DCC: variants seen among roughly 807,000 people sequenced by gnomAD.
The protein encoded by DCC is netrin receptor DCC.
Under a neutral mutation model 172.5 loss-of-function variants are expected in DCC, and 58 were observed. The observed-to-expected ratio is 0.34, with a 90% CI of 0.27 to 0.42. The LOEUF is 0.42. DCC is among the 10% of genes least tolerant of loss of function. DCC has a pLI of 1.00. For missense variants in DCC, 1,740 were observed against 1,791.0 expected (o/e 0.97, Z 0.51); for synonymous variants, 709 against 644.5 (o/e 1.10, Z -1.52).
intron 2 of DCC, among the ~76,000 whole-genome samples, chr18:52,789,452 G>A (rs1279377676): frequency 6.6e-6 from 1 of 152,034 alleles, no homozygotes; most frequent in Non-Finnish European, 1.5e-5. Context: ...CAAACATAAA[G>A]GCCTTTTAAA....
chr18:52,341,112 G>A (rs1983613438), intron 1 of DCC, among the ~76,000 whole-genome samples: 2 of 152,196 alleles, frequency 1.3e-5, no homozygotes, highest in African/African-American at 4.8e-5. Flanking sequence ...AAAATCTGAT[G>A]CTTCACGCAT....
chr18:52,700,136 C>T (rs2036083949), intron 1 of DCC, among the ~76,000 whole-genome samples: 1 of 152,034 alleles, frequency 6.6e-6, no homozygotes, highest in African/African-American at 2.4e-5. Flanking sequence ...CGCTCTCTCG[C>T]TCTCTTGCCC....
At chr18:53,213,647 CAAAAAAAAAAAA>C (rs34284373) in intron 11 of DCC, among the ~76,000 whole-genome samples, 17 of 35,378 alleles carry the variant, frequency 4.8e-4, no homozygotes, top group African/African-American at 1.0e-3. Context: ...GACTCCGTCT[CAAAAAAAAAAAA>C]AAAAAAAAAA....
At chr18:52,831,732 G>A (rs984704) in intron 2 of DCC, among the ~76,000 whole-genome samples, 36,391 of 152,004 alleles carry the variant, frequency 0.24, 5,376 homozygotes, top group African/African-American at 0.42. Context: ...GACAAGACAA[G>A]TTTCAACATT....
chr18:52,860,811 A>G (rs913251409), intron 2 of DCC, among the ~76,000 whole-genome samples: 1 of 152,060 alleles, frequency 6.6e-6, no homozygotes, highest in Admixed American at 6.5e-5. Flanking sequence ...CATCCTGGCT[A>G]ACACGGTGGA....
chr18:52,690,570 A>G (rs1357263245), intron 1 of DCC, among the ~76,000 whole-genome samples: 1 of 152,108 alleles, frequency 6.6e-6, no homozygotes, highest in Non-Finnish European at 1.5e-5. Flanking sequence ...TTTTAACAGT[A>G]TTTCCATATA....
At chr18:52,998,082 C>CAATTAA (rs1260484278) in intron 5 of DCC, among the ~76,000 whole-genome samples, 1 of 149,418 alleles carries the variant, frequency 6.7e-6, no homozygotes, top group East Asian at 2.1e-4. Context: ...CTGCACATGG[C>CAATTAA]AATTAAAATT....
chr18:53,305,680 G>A lies in DCC; in HGVS notation c.2014G>A (p.Glu672Lys). Residue 672 changes from glutamate (E) to lysine (K), a missense_variant, in exon 13 of 29, where the codon GAA becomes AAA. Physicochemically the swap from Glu to Lys is moderately conservative, Grantham distance 56 (BLOSUM62 1). Around this residue, in one of 2 missense-constraint regions of DCC, gnomAD observed 1,732 missense variants for 1,767.4 expected, o/e 0.98. Transcript: ENST00000442544. ...AAAGACGACCCGCAGGGGTGAGATG[G>A]AAACACTGGAGCCAAACAACCTCTG... Reference protein sequence around the residue: ...HRKTTRRGEMETLEPNNLWYL... With the variant: ...HRKTTRRGEMKTLEPNNLWYL... The A allele has an allele frequency of 6.2e-7, 1 of 1,614,046 alleles. No homozygotes were observed. The highest frequency in any genetic ancestry group is 1.3e-5 in the African/African-American group (1 of 75,050).
chr18:53,307,041 CATT>C (rs1256937913), intron 13 of DCC, among the ~76,000 whole-genome samples: 3 of 152,186 alleles, frequency 2.0e-5, no homozygotes, highest in Non-Finnish European at 2.9e-5. Flanking sequence ...GACTCACACA[CATT>C]ATAAGCTTCT....
intron 1 of DCC, among the ~76,000 whole-genome samples, chr18:52,449,758 A>T (rs1055969379): frequency 6.6e-6 from 1 of 152,096 alleles, no homozygotes; most frequent in African/African-American, 2.4e-5. Flanking sequence ...GTCTTTTCTC[A>T]TGCTGTTCTC....
At chr18:52,483,744 G>A (rs558706592) in intron 1 of DCC, among the ~76,000 whole-genome samples, 17 of 151,904 alleles carry the variant, frequency 1.1e-4, no homozygotes, top group African/African-American at 3.4e-4. Flanking sequence ...TTCTCAATCT[G>A]GAAAACCATG....
intron 5 of DCC, among the ~76,000 whole-genome samples, chr18:53,027,613 A>G (rs2041973173): frequency 6.6e-6 from 1 of 152,132 alleles, no homozygotes; most frequent in Non-Finnish European, 1.5e-5. Flanking sequence ...CGGTATGTCC[A>G]TACTTGGACA....
chr18:53,102,180 G>A (rs1446115690), intron 7 of DCC, among the ~76,000 whole-genome samples: 1 of 152,066 alleles, frequency 6.6e-6, no homozygotes, highest in Non-Finnish European at 1.5e-5. Context: ...ATGCCCATAT[G>A]TGACATGCAG....
rs149339994 is a variant in DCC at position 53,141,499 on chromosome 18, C to T, written c.1262-15857C>T. Among the ~76,000 whole-genome samples, 562 of 152,190 alleles carry T rather than the reference C, an allele frequency of 3.7e-3. 2 individuals carry two copies. The highest frequency in any genetic ancestry group is 0.013 in the African/African-American group (542 of 41,514). On this transcript the variant is annotated intron_variant, in intron 7 of 28. Transcript: ENST00000442544. ...CAGATTAGCCAGAATCCTAAATTGC[C>T]GTAAAGGACACACTAAATTGTCTGG...
intron 1 of DCC, among the ~76,000 whole-genome samples, chr18:52,585,322 A>AT (rs1258023689): frequency 6.6e-6 from 1 of 152,120 alleles, no homozygotes; most frequent in African/African-American, 2.4e-5. Context: ...GACAGAAAAC[A>AT]TTTTTTCCTT....
At chr18:53,144,410 G>C (rs573886449) in intron 7 of DCC, among the ~76,000 whole-genome samples, 1 of 152,258 alleles carries the variant, frequency 6.6e-6, no homozygotes, top group African/African-American at 2.4e-5. Context: ...GTTCCACCTG[G>C]TTGGGGAGGC....
intron 21 of DCC, among the ~76,000 whole-genome samples, chr18:53,420,593 G>A (rs1325536633): frequency 2.0e-5 from 3 of 152,136 alleles, no homozygotes; most frequent in African/African-American, 7.2e-5. Flanking sequence ...GCTTGCAGGT[G>A]GCCTTCTCGC....
intron 23 of DCC, among the ~76,000 whole-genome samples, chr18:53,450,975 C>A (rs2045404578): frequency 6.6e-6 from 1 of 152,194 alleles, no homozygotes; most frequent in Admixed American, 6.5e-5. Context: ...CTCCACCATG[C>A]CCCTGTTTCT....
rs149829030 is a variant in DCC at position 52,737,162 on chromosome 18, A to G, written c.92-14892A>G. On this transcript the variant is annotated intron_variant, in intron 1 of 28. Transcript: ENST00000442544. ...TTTGAGTCTTACTGATTTTTTTTAT[A>G]TTAGAGACGACGTGAAAGGAATTTG... Among the ~76,000 whole-genome samples the G allele has an allele frequency of 5.9e-3, 905 of 152,184 alleles. 10 individuals are homozygous for G. Among genetic ancestry groups the G allele is most frequent in the African/African-American group, 0.021 (879 of 41,534 alleles).
Sources: gnomAD v4.1 joint callset for allele counts (sites outside exome capture counted in the v4.1 genomes callset) on GRCh38, gnomAD v4.1.1 for gene constraint, gnomAD v4.1.1 regional missense constraint, MANE v1.5 for transcripts, NCBI Gene and HGNC (gene_info 2026-07-23, HGNC 2026-07-21) for gene names.